RNASE9: variants seen among roughly 807,000 people sequenced by gnomAD.
The protein encoded by RNASE9 is inactive ribonuclease-like protein 9.
For synonymous variants in RNASE9, 95 were observed against 87.6 expected (o/e 1.08, Z -0.47); for missense variants, 263 against 247.1 (o/e 1.06, Z -0.43).
chr14:20,557,212 T>A, exon 3 of RNASE9: 2 of 797,098 alleles, frequency 2.5e-6, no homozygotes, highest in South Asian at 1.9e-5. Context: ...AATTACCAAC[T>A]CATAATCGAT....
intron 1 of RNASE9, among the ~76,000 whole-genome samples, chr14:20,560,620 G>T (rs1048857757): frequency 1.3e-5 from 2 of 151,832 alleles, no homozygotes; most frequent in African/African-American, 4.8e-5. Context: ...AATACACATT[G>T]CAATAATAAT....
chr14:20,558,321 G>A (rs1001400827), exon 3 of RNASE9: 1 of 619,542 alleles, frequency 1.6e-6, no homozygotes, highest in Non-Finnish European at 2.9e-6. Flanking sequence ...TTGTATATAT[G>A]TGTGTAGAAA....
chr14:20,556,760 A>G, exon 3 of RNASE9: 1 of 1,614,002 alleles, frequency 6.2e-7, no homozygotes, highest in Non-Finnish European at 8.5e-7. Context: ...ATAAGAAGGA[A>G]GTAATGTTCT....
At chr14:20,557,105 G>A in exon 3 of RNASE9, 1 of 1,566,536 alleles carries the variant, frequency 6.4e-7, no homozygotes, top group Non-Finnish European at 8.6e-7. Flanking sequence ...AACGGGATAT[G>A]TTCTATTGTG....
chr14:20,556,771 GC>G lies in RNASE9; in HGVS notation c.298del (p.Ala100GlnfsTer38). On this transcript the variant is annotated frameshift_variant, in exon 3 of 3. Transcript: ENST00000555230. LOFTEE classifies it low-confidence loss of function (END_TRUNC). The stretch of plus-strand genomic sequence containing the variant: ...TTGCATAAGAAGGAAGTAATGTTCT[GC>G]CACCCAACGGTGTTTGTAGTAAACA... The G allele has an allele frequency of 6.2e-7, 1 of 1,613,712 alleles. No homozygotes were observed. The highest frequency in any genetic ancestry group is 8.5e-7 in the Non-Finnish European group (1 of 1,179,744).
intron 1 of RNASE9, among the ~76,000 whole-genome samples, chr14:20,560,095 G>A (rs1460776335): frequency 6.6e-6 from 1 of 151,960 alleles, no homozygotes; most frequent in South Asian, 2.1e-4. Context: ...TGGGCTTGTA[G>A]GTGAACCAAT....
chr14:20,556,906 C>A (rs770109541), exon 3 of RNASE9: 8 of 1,613,844 alleles, frequency 5.0e-6, no homozygotes, highest in South Asian at 2.2e-5. Context: ...TCTGGCGGGC[C>A]CTGTACTAAA....
chr14:20,559,882 C>G (rs1242602167), intron 1 of RNASE9, among the ~76,000 whole-genome samples: 1 of 152,140 alleles, frequency 6.6e-6, no homozygotes, highest in Non-Finnish European at 1.5e-5. Flanking sequence ...AATACCTGTT[C>G]AAGTCCCTGC....
exon 3 of RNASE9, chr14:20,556,400 T>G: frequency 7.8e-7 from 1 of 1,276,314 alleles, no homozygotes; most frequent in South Asian, 1.3e-5. Context: ...TCTATAAGGA[T>G]CAGTATGGAG....
Position 20,558,738 on chromosome 14 carries a change from G to C in RNASE9, c.-1581-88C>G. The stretch of plus-strand genomic sequence containing the variant: ...TTTCTACTTCCCGAGAACATGCACA[G>C]GGCCTGTCCAGAATACTCTTTTGTT... On this transcript the variant is annotated intron_variant, in intron 2 of 2. Transcript: ENST00000555230. 4.2e-6 allele frequency: 3 copies of C among 721,582 alleles called. No homozygotes were observed. In the South Asian group the frequency reaches 4.5e-5, roughly 11 times the overall value. The allele number at this position is 721,582 out of a possible 1,614,324, so 44.7% of individuals were successfully genotyped here.
At position 20,556,540 on chromosome 14, in the gene RNASE9, C is replaced by T. The variant is rs147407456; in HGVS notation, c.530G>A (p.Arg177His). 4.0e-5 allele frequency: 64 copies of T among 1,613,656 alleles called. No individual in the cohort carries two copies. Among genetic ancestry groups the T allele is most frequent in the South Asian group, 1.5e-4 (14 of 91,072 alleles). Residue 177 changes from arginine to histidine, a missense_variant, in exon 3 of 3, where the codon CGT (arginine) becomes CAT (histidine). By Grantham distance (29) the Arg-to-His change is conservative. Transcript: ENST00000555230. ...GAGATCATTTATAGTATGAGGAATA[C>T]GTTTTTGCATTTCATTTTGCCATGA...
At chr14:20,558,656 GAGAACATGGAC>G (rs1566553409) in intron 2 of RNASE9, 32 of 1,408,966 alleles carry the variant, frequency 2.3e-5, no homozygotes, top group Non-Finnish European at 3.0e-5. Context: ...TTGATCTGGA[GAGAACATGGAC>G]AGTACACGTG....
exon 3 of RNASE9, chr14:20,556,980 A>G (rs370596740): frequency 2.8e-5 from 45 of 1,613,996 alleles, no homozygotes; most frequent in Non-Finnish European, 3.6e-5. Flanking sequence ...CAAAATCTGT[A>G]TCCACCTCTT....
At chr14:20,558,584 A>T in exon 3 of RNASE9, 1 of 1,551,188 alleles carries the variant, frequency 6.4e-7, no homozygotes, top group South Asian at 1.2e-5. Flanking sequence ...GAGTGATCCC[A>T]TGGTGACAGG....
upstream of RNASE9, chr14:20,560,975 C>G (rs1359555629): frequency 6.6e-6 from 1 of 152,122 alleles, no homozygotes; most frequent in Non-Finnish European, 1.5e-5. Context: ...TGTTTTTACT[C>G]TCTCCCACTC....
rs151318768 is a variant in RNASE9, at chr14:20,556,658, C to T, written c.412G>A (p.Glu138Lys). The T allele has an allele frequency of 4.5e-4, 728 of 1,613,060 alleles. 10 individuals are homozygous for T. In the Middle Eastern group the frequency reaches 0.01, roughly 23 times the overall value. The stretch of plus-strand genomic sequence containing the variant: ...TCTGTTAAATTACAATACACTCCTT[C>T]TACAAGACCTTTGCTCCTGTTACAT... Residue 138 changes from glutamate (E) to lysine (K), a missense_variant, in exon 3 of 3, where the codon GAA becomes AAA. Physicochemically the swap from Glu to Lys is moderately conservative, Grantham distance 56. Coordinates refer to ENST00000555230, the Ensembl canonical transcript of RNASE9.
exon 3 of RNASE9, chr14:20,558,441 G>C (rs1883803117): frequency 1.3e-6 from 1 of 787,660 alleles, no homozygotes; most frequent in Non-Finnish European, 2.2e-6. Context: ...AAAAGAAAAA[G>C]TTGCCTAAAA....
At position 20,556,922 on chromosome 14, in the gene RNASE9, T is replaced by A; in HGVS notation, c.148A>T (p.Lys50Ter). ...CTGGCGGGCCCTGTACTAAAAAATT[T>A]TTCCAAACACTCTTCAAATTCTTCT... The change falls in exon 3 of 3, where the codon AAA becomes TAA. Residue 50 changes from lysine to a stop codon, truncating the protein, a stop_gained. Transcript: ENST00000555230. LOFTEE classifies it low-confidence loss of function (END_TRUNC). The A allele has an allele frequency of 1.2e-6, 2 of 1,614,138 alleles. No homozygotes were observed. The highest frequency in any genetic ancestry group is 4.5e-5 in the East Asian group (2 of 44,880).
chr14:20,557,260 T>C (rs1883745250), exon 3 of RNASE9: 1 of 601,440 alleles, frequency 1.7e-6, no homozygotes, highest in African/African-American at 1.9e-5. Context: ...ATGACCTTAC[T>C]AGGCCTACAG....
Sources: gnomAD v4.1 joint callset for allele counts (sites outside exome capture counted in the v4.1 genomes callset) on GRCh38, gnomAD v4.1.1 for gene constraint, MANE v1.5 for transcripts, NCBI Gene and HGNC (gene_info 2026-07-23, HGNC 2026-07-21) for gene names.